WDR31: variants seen among roughly 807,000 people sequenced by gnomAD.
WDR31 encodes the protein WD repeat domain 31, also known as WD repeat-containing protein 31.
Under a neutral mutation model 47.3 loss-of-function variants are expected in WDR31, and 30 were observed. The observed-to-expected ratio is 0.63, with a 90% CI of 0.47 to 0.86. The LOEUF (loss-of-function observed/expected upper bound fraction) is 0.86. Among genes scored for constraint, WDR31 ranks in the 40% least tolerant of loss-of-function variants. The probability of loss-of-function intolerance (pLI) is 0.00; values close to 1 mark genes in which losing one functional copy is unlikely to be tolerated. For missense variants in WDR31, 406 were observed against 442.9 expected (o/e 0.92, Z 0.75); for synonymous variants, 137 against 159.4 (o/e 0.86, Z 1.06).
chr9:113,323,827 G>T (rs1159670431), intron 5 of WDR31, among the ~76,000 whole-genome samples: 1 of 152,146 alleles, frequency 6.6e-6, no homozygotes, highest in Non-Finnish European at 1.5e-5. Context: ...CCCCAAAAAT[G>T]GATGCTGTAC....
chr9:113,332,433 T>C (rs1833619005), intron 2 of WDR31, among the ~76,000 whole-genome samples: 1 of 152,200 alleles, frequency 6.6e-6, no homozygotes, highest in Admixed American at 6.5e-5. Flanking sequence ...CATCATGTGG[T>C]CAATCCACAC....
chr9:113,339,700 T>A (rs1338154566), intron 1 of WDR31, among the ~76,000 whole-genome samples: 2 of 152,178 alleles, frequency 1.3e-5, no homozygotes, highest in African/African-American at 4.8e-5. Flanking sequence ...CTCCTCTCCC[T>A]GCCCATTATA....
In WDR31 at chr9:113,322,821, G is replaced by A. The variant is rs778347649; in HGVS notation, c.560C>T (p.Ser187Phe). Reference sequence around the variant, plus strand: ...AGTTTGAGTTCATACCACGTTCCTGGAGACAGATGCTCTTTCCACACTCTG... The same window carrying A: ...AGTTTGAGTTCATACCACGTTCCTGAAGACAGATGCTCTTTCCACACTCTG... ...TGQSVERASVSRNVVTHLCWV... is the reference protein window; with the variant it reads ...TGQSVERASVFRNVVTHLCWV... The change falls in exon 7 of 11, where the codon TCC (serine) becomes TTC (phenylalanine). Residue 187 changes from serine to phenylalanine, a missense_variant. Coordinates refer to ENST00000374193, the MANE Select transcript of WDR31 (RefSeq NM_001012361.4). The A allele has an allele frequency of 6.2e-7, 1 of 1,614,034 alleles. No homozygotes were observed. Among genetic ancestry groups the A allele is most frequent in the South Asian group, 1.1e-5 (1 of 91,072 alleles).
chr9:113,323,236 T>A, intron 5 of WDR31, 81 bp from the exon 6 acceptor site: 78 of 1,407,616 alleles, frequency 5.5e-5, no homozygotes, highest in Non-Finnish European at 7.0e-5. Context: ...GAAAGATGAG[T>A]CTGCATAACT....
chr9:113,327,429 A>ACACACACACACACACACACACACGTG (rs1271276893), intron 5 of WDR31, among the ~76,000 whole-genome samples: 1 of 152,006 alleles, frequency 6.6e-6, no homozygotes, highest in Non-Finnish European at 1.5e-5. Context: ...GCACACACAC[A>ACACACACACACACACACACACACGTG]CACACACACA....
At chr9:113,327,419 G>GCACACACA (rs35798479) in intron 5 of WDR31, among the ~76,000 whole-genome samples, 6,334 of 148,908 alleles carry the variant, frequency 0.043, 170 homozygotes, top group South Asian at 0.068. Context: ...AGTGTTACAT[G>GCACACACA]CACACACACA....
At position 113,322,989 on chromosome 9, in the gene WDR31, G is replaced by A; in HGVS notation, c.469+22C>T. 2 of 1,613,866 alleles carry A rather than the reference G, an allele frequency of 1.2e-6. 1 individual carries two copies. The highest frequency in any genetic ancestry group is 2.2e-5 in the South Asian group (2 of 90,996). ...TTTTCAGAAAGCACAAAGGCATTGG[G>A]AAGAGGTCCGCTTTGTTTTACCTGG... On this transcript the variant is annotated intron_variant, in intron 6 of 10. Coordinates refer to ENST00000374193, the MANE Select transcript of WDR31 (RefSeq NM_001012361.4).
intron 10 of WDR31, among the ~76,000 whole-genome samples, chr9:113,317,377 C>T (rs1392760133): frequency 1.3e-5 from 2 of 152,236 alleles, no homozygotes. Context: ...AGAGGCCACT[C>T]TTCTAAAAAC....
At chr9:113,321,655 T>A in intron 7 of WDR31, 77 bp from the exon 8 acceptor site, 1 of 1,374,662 alleles carries the variant, frequency 7.3e-7, no homozygotes, top group South Asian at 1.2e-5. Context: ...ATGTGCTAAC[T>A]AGCATCACTG....
chr9:113,335,556 G>T (rs1176720373), intron 2 of WDR31, among the ~76,000 whole-genome samples: 2 of 152,142 alleles, frequency 1.3e-5, no homozygotes, highest in African/African-American at 4.8e-5. Flanking sequence ...CAGCTAAAAC[G>T]CACCAACTTA....
At chr9:113,323,497 G>A (rs917983219) in intron 5 of WDR31, among the ~76,000 whole-genome samples, 6 of 151,920 alleles carry the variant, frequency 3.9e-5, no homozygotes. Context: ...CGTGACCTCA[G>A]GTGAGCCACC....
intron 8 of WDR31, 46 bp from the exon 9 acceptor site, chr9:113,320,544 G>T: frequency 1.3e-6 from 2 of 1,598,252 alleles, no homozygotes; most frequent in South Asian, 2.3e-5. Context: ...AAATGTGGCT[G>T]AAATACACCC....
chr9:113,337,189 G>A (rs1273258279), intron 1 of WDR31, among the ~76,000 whole-genome samples: 1 of 151,676 alleles, frequency 6.6e-6, no homozygotes, highest in African/African-American at 2.4e-5. Context: ...GCAAGTTGCT[G>A]AACCTCTCTA....
chr9:113,332,691 A>T (rs1833625122), intron 2 of WDR31, among the ~76,000 whole-genome samples: 1 of 152,114 alleles, frequency 6.6e-6, no homozygotes, highest in South Asian at 2.1e-4. Flanking sequence ...ATAGAATGTA[A>T]TACAGAGTAT....
chr9:113,320,564 C>A, intron 8 of WDR31, 66 bp from the exon 9 acceptor site: 2 of 1,556,928 alleles, frequency 1.3e-6, no homozygotes, highest in Non-Finnish European at 1.7e-6. Context: ...CGTATTGTCC[C>A]ACTACCAAAA....
chr9:113,323,239 G>C, intron 5 of WDR31, 84 bp from the exon 6 acceptor site: 1 of 1,476,458 alleles, frequency 6.8e-7, no homozygotes, highest in South Asian at 1.3e-5. Context: ...AGATGAGTCT[G>C]CATAACTCCC....
intron 2 of WDR31, among the ~76,000 whole-genome samples, chr9:113,334,054 G>C (rs566827180): frequency 2.4e-4 from 37 of 151,574 alleles, no homozygotes; most frequent in Non-Finnish European, 4.1e-4. Context: ...TATCACCCAG[G>C]CTGGAGTGCA....
At chr9:113,327,466 C>A (rs1361633605) in intron 5 of WDR31, among the ~76,000 whole-genome samples, 1 of 151,894 alleles carries the variant, frequency 6.6e-6, no homozygotes, top group Non-Finnish European at 1.5e-5. Context: ...CAAGTGCATG[C>A]ACACACACTC....
chr9:113,320,281 C>T (rs1175531904), intron 9 of WDR31, 76 bp downstream of exon 9: 1 of 1,553,156 alleles, frequency 6.4e-7, no homozygotes, highest in Non-Finnish European at 8.7e-7. Flanking sequence ...CTGTGTAGCA[C>T]AGCTACAGGC....
Sources: gnomAD v4.1 joint callset for allele counts (sites outside exome capture counted in the v4.1 genomes callset) on GRCh38, gnomAD v4.1.1 for gene constraint, MANE v1.5 for transcripts, NCBI Gene and HGNC (gene_info 2026-07-23, HGNC 2026-07-21) for gene names.